The following TNKS variants were observed in gnomAD, a reference collection of about 807,000 sequenced individuals.
TNKS encodes tankyrase.
In TNKS, 72 loss-of-function variants were observed where a neutral mutation model predicts 135.8. That is an observed-to-expected ratio of 0.53 (90% CI 0.44 to 0.64). The LOEUF is 0.64. TNKS is among the 30% of genes least tolerant of loss of function. TNKS has a pLI of 0.00. For missense variants in TNKS, 1,769 were observed against 1,674.0 expected (o/e 1.06, Z -0.99); for synonymous variants, 849 against 649.3 (o/e 1.31, Z -4.68).
chr8:9,562,541 A>G (rs943061426), intron 1 of TNKS, among the ~76,000 whole-genome samples: 3 of 152,134 alleles, frequency 2.0e-5, no homozygotes, highest in Admixed American at 1.3e-4. Context: ...ACTTTCAATC[A>G]ATCTGCCTTT....
Position 9,770,215 on chromosome 8 carries a change from G to A in TNKS, c.3850G>A (p.Val1284Ile), listed in dbSNP as rs762090867. 21 of 1,613,280 alleles carry A rather than the reference G, an allele frequency of 1.3e-5. No individual in the cohort carries two copies. Among genetic ancestry groups the A allele is most frequent in the Admixed American group, 3.3e-5 (2 of 59,982 alleles). Reference protein sequence around the residue: ...GHHSVIGRPSVNGLAYAEYVI... With the variant: ...GHHSVIGRPSINGLAYAEYVI... Reference sequence around the variant, plus strand: ...CCACTCAGTCATTGGTAGACCGAGCGTCAATGGGCTGGCATATGCTGAATA... The same window carrying A: ...CCACTCAGTCATTGGTAGACCGAGCATCAATGGGCTGGCATATGCTGAATA... Residue 1284 changes from valine (V) to isoleucine (I), a missense_variant, in exon 26 of 27, where the codon GTC (valine) becomes ATC (isoleucine). Physicochemically the swap from Val to Ile is conservative, Grantham distance 29. Transcript: ENST00000310430.
At chr8:9,758,102 C>T (rs1309830520) in intron 20 of TNKS, among the ~76,000 whole-genome samples, 4 of 152,138 alleles carry the variant, frequency 2.6e-5, no homozygotes, top group Non-Finnish European at 5.9e-5. Flanking sequence ...CTCTAAGTAC[C>T]AGTGACCTCA....
intron 3 of TNKS, among the ~76,000 whole-genome samples, chr8:9,624,191 T>C (rs1799971191): frequency 6.6e-6 from 1 of 152,214 alleles, no homozygotes; most frequent in African/African-American, 2.4e-5. Flanking sequence ...GTGTATACTC[T>C]GAGAGCAGCT....
In TNKS at chr8:9,686,426, TG is replaced by T. The variant is rs199935383; in HGVS notation, c.1107+5627del. Among the ~76,000 whole-genome samples the T allele has an allele frequency of 7.2e-5, 11 of 152,328 alleles. No homozygotes were observed. In the East Asian group the frequency reaches 2.1e-3, roughly 29 times the overall value. On this transcript the variant is annotated intron_variant, in intron 5 of 26. Transcript: ENST00000310430. ...CACCGTAGCTCATACCACATAGAGC[TG>T]AAGACCTGCCCAGGTAATTCACTGC...
chr8:9,625,597 A>G (rs1361098529), intron 3 of TNKS, among the ~76,000 whole-genome samples: 4 of 151,998 alleles, frequency 2.6e-5, no homozygotes. Context: ...ATGTTCATTC[A>G]GTTAAATTTT....
intron 1 of TNKS, among the ~76,000 whole-genome samples, chr8:9,563,295 C>T (rs1489021398): frequency 6.6e-6 from 1 of 152,014 alleles, no homozygotes; most frequent in Admixed American, 6.6e-5. Context: ...TATATATCTT[C>T]TTTTTTTATT....
At chr8:9,632,538 A>G (rs1369027082) in intron 3 of TNKS, among the ~76,000 whole-genome samples, 2 of 152,108 alleles carry the variant, frequency 1.3e-5, no homozygotes, top group Non-Finnish European at 2.9e-5. Context: ...TCCCATCAAT[A>G]CTAGGTAACT....
intron 9 of TNKS, among the ~76,000 whole-genome samples, chr8:9,709,427 T>C (rs569537361): frequency 6.6e-6 from 1 of 152,286 alleles, no homozygotes; most frequent in African/African-American, 2.4e-5. Context: ...TGAAGCAGAA[T>C]AAAAAAGTTG....
chr8:9,623,874 C>T (rs527823644), intron 3 of TNKS, among the ~76,000 whole-genome samples: 70 of 151,998 alleles, frequency 4.6e-4, no homozygotes, highest in African/African-American at 1.7e-3. Context: ...TGGTGGTGGG[C>T]GCCTGTAATC....
At chr8:9,611,815 G>C (rs371483302) in intron 2 of TNKS, among the ~76,000 whole-genome samples, 16 of 152,140 alleles carry the variant, frequency 1.1e-4, no homozygotes, top group Non-Finnish European at 2.1e-4. Flanking sequence ...TGTAGTTTGG[G>C]ACATTTAAGA....
chr8:9,742,348 T>C (rs1174496661), intron 17 of TNKS, among the ~76,000 whole-genome samples: 1 of 150,198 alleles, frequency 6.7e-6, no homozygotes, highest in African/African-American at 2.5e-5. Context: ...GATACATGAG[T>C]GTGATAATAC....
intron 26 of TNKS, 41 bp from the exon 27 acceptor site, chr8:9,776,609 C>T (rs1358189183): frequency 1.3e-6 from 2 of 1,580,732 alleles, no homozygotes; most frequent in South Asian, 2.2e-5. Flanking sequence ...AATATTGTGC[C>T]TACTAGAAGG....
chr8:9,568,274 C>T (rs950154196), intron 1 of TNKS, among the ~76,000 whole-genome samples: 6 of 152,094 alleles, frequency 3.9e-5, no homozygotes, highest in African/African-American at 4.8e-5. Context: ...CTGGCTTGAG[C>T]TGTAAGGTTT....
intron 5 of TNKS, among the ~76,000 whole-genome samples, chr8:9,697,420 G>T (rs1803569318): frequency 6.6e-6 from 1 of 152,122 alleles, no homozygotes; most frequent in South Asian, 2.1e-4. Flanking sequence ...GTCTCCAAAA[G>T]CAGTTGTAAT....
chr8:9,622,655 C>T (rs1268637614), intron 3 of TNKS, among the ~76,000 whole-genome samples: 3 of 152,136 alleles, frequency 2.0e-5, no homozygotes, highest in African/African-American at 7.2e-5. Flanking sequence ...ATTAGAGTGG[C>T]CCCTAAATAT....
At chr8:9,695,591 G>C (rs76289377) in intron 5 of TNKS, among the ~76,000 whole-genome samples, 356 of 152,252 alleles carry the variant, frequency 2.3e-3, no homozygotes, top group Admixed American at 4.1e-3. Flanking sequence ...CACAAGATTT[G>C]TATACCTAAC....
chr8:9,747,224 A>T (rs574302355), intron 17 of TNKS, among the ~76,000 whole-genome samples: 1 of 151,928 alleles, frequency 6.6e-6, no homozygotes. Context: ...TAATAGTTCT[A>T]CCTTATTTTC....
At chr8:9,649,337 T>C (rs191360612) in intron 3 of TNKS, among the ~76,000 whole-genome samples, 7 of 152,188 alleles carry the variant, frequency 4.6e-5, no homozygotes, top group Non-Finnish European at 8.8e-5. Context: ...GGACAAATTA[T>C]ACATGGCGAA....
chr8:9,765,897 A>G, intron 24 of TNKS, 100 bp downstream of exon 24: 2 of 963,998 alleles, frequency 2.1e-6, no homozygotes, highest in Non-Finnish European at 3.1e-6. Context: ...CGGTTGTGTT[A>G]AAAACGGCTT....
Sources: allele counts gnomAD v4.1 joint callset (sites outside exome capture counted in the v4.1 genomes callset), GRCh38; gene constraint gnomAD v4.1.1; transcripts MANE v1.5; gene names NCBI Gene and HGNC (gene_info 2026-07-23, HGNC 2026-07-21).